RIMS1: variants seen among roughly 807,000 people sequenced by gnomAD.
RIMS1 encodes regulating synaptic membrane exocytosis 1, also known as regulating synaptic membrane exocytosis protein 1.
In RIMS1, 83 loss-of-function variants were observed where a neutral mutation model predicts 214.1. The observed-to-expected ratio is 0.39, with a 90% CI of 0.32 to 0.47. The LOEUF is 0.47. RIMS1 is among the 20% of genes least tolerant of loss of function. The probability of loss-of-function intolerance (pLI) is 0.99; values close to 1 mark genes in which losing one functional copy is unlikely to be tolerated. For missense variants in RIMS1, 2,050 were observed against 2,161.8 expected, an observed-to-expected ratio of 0.95 and a Z score of 1.03; for synonymous variants, 793 against 786.8, an observed-to-expected ratio of 1.01 and a Z score of -0.13.
intron 4 of RIMS1, among the ~76,000 whole-genome samples, chr6:72,155,119 G>A (rs999854268): frequency 1.4e-5 from 2 of 140,548 alleles, no homozygotes; most frequent in African/African-American, 4.9e-5. Flanking sequence ...TGGCTGGCCA[G>A]GAAACCATTT....
intron 22 of RIMS1, chr6:72,266,254 C>A: frequency 1.7e-6 from 1 of 580,776 alleles, no homozygotes; most frequent in Non-Finnish European, 3.1e-6. Flanking sequence ...ACACATATTT[C>A]TATGAATGTT....
chr6:72,198,550 A>G (rs554839625), intron 6 of RIMS1, among the ~76,000 whole-genome samples: 1 of 152,062 alleles, frequency 6.6e-6, no homozygotes, highest in Admixed American at 6.6e-5. Context: ...ATGGGTACAA[A>G]CTTACAGTTA....
chr6:72,267,101 G>A (rs756851445), intron 22 of RIMS1, among the ~76,000 whole-genome samples: 1 of 151,986 alleles, frequency 6.6e-6, no homozygotes, highest in Non-Finnish European at 1.5e-5. Flanking sequence ...TTTGTAAACT[G>A]TGTAATAGAA....
chr6:72,250,528 T>G, intron 13 of RIMS1, 68 bp downstream of exon 13: 1 of 1,158,760 alleles, frequency 8.6e-7, no homozygotes, highest in Non-Finnish European at 1.2e-6. Context: ...AATTTTCTCT[T>G]TTGGGATGTT....
intron 9 of RIMS1, 22 bp from the exon 10 acceptor site, chr6:72,242,291 AT>A: frequency 6.6e-7 from 1 of 1,524,094 alleles, no homozygotes; most frequent in African/African-American, 1.4e-5. Context: ...AGGTAAAAAA[AT>A]ACCCTTTTTT....
intron 22 of RIMS1, among the ~76,000 whole-genome samples, chr6:72,271,003 C>T (rs568572860): frequency 8.3e-4 from 127 of 152,212 alleles, no homozygotes; most frequent in African/African-American, 3.0e-3. Context: ...CGTGGTGGCT[C>T]ATGCCTGTAA....
At chr6:72,012,846 C>T (rs1811296561) in intron 2 of RIMS1, among the ~76,000 whole-genome samples, 1 of 152,136 alleles carries the variant, frequency 6.6e-6, no homozygotes, top group African/African-American at 2.4e-5. Context: ...GTATTATGGG[C>T]TCAGGCAGTA....
At chr6:71,888,038 C>G (rs1768374353) in intron 1 of RIMS1, among the ~76,000 whole-genome samples, 1 of 152,154 alleles carries the variant, frequency 6.6e-6, no homozygotes, top group African/African-American at 2.4e-5. Context: ...AGCGCATCAA[C>G]CCTTCAAGGG....
intron 6 of RIMS1, among the ~76,000 whole-genome samples, chr6:72,188,393 C>T (rs965321680): frequency 6.6e-6 from 1 of 152,202 alleles, no homozygotes; most frequent in Non-Finnish European, 1.5e-5. Flanking sequence ...TACCAATCCC[C>T]AACCCAAATG....
intron 4 of RIMS1, among the ~76,000 whole-genome samples, chr6:72,178,455 G>A (rs531188969): frequency 2.0e-4 from 31 of 152,104 alleles, no homozygotes; most frequent in African/African-American, 7.2e-4. Flanking sequence ...ATGTTTCTAC[G>A]ATTTATTCAT....
At chr6:72,289,020 T>C (rs2092887549) in intron 24 of RIMS1, among the ~76,000 whole-genome samples, 2 of 152,246 alleles carry the variant, frequency 1.3e-5, no homozygotes, top group Admixed American at 1.3e-4. Flanking sequence ...AAGCCATTTA[T>C]TTGCTCCTGA....
intron 2 of RIMS1, among the ~76,000 whole-genome samples, chr6:72,050,616 C>T (rs1824360410): frequency 6.6e-6 from 1 of 152,118 alleles, no homozygotes. Flanking sequence ...GCCTTGTCCT[C>T]CTAGTACTGG....
intron 1 of RIMS1, among the ~76,000 whole-genome samples, chr6:71,957,392 T>A (rs572168953): frequency 6.6e-6 from 1 of 152,184 alleles, no homozygotes; most frequent in Non-Finnish European, 1.5e-5. Context: ...TTTAAAATAA[T>A]ATTCCAATAG....
At chr6:72,118,491 T>A (rs1287257027) in intron 4 of RIMS1, among the ~76,000 whole-genome samples, 1 of 151,532 alleles carries the variant, frequency 6.6e-6, no homozygotes, top group Non-Finnish European at 1.5e-5. Context: ...AGTATTACCC[T>A]AATACAAAAA....
rs112105498 is a variant in RIMS1, at chr6:72,261,403, C to T, written c.3116+636C>T. 2,570 of 985,396 alleles carry T rather than the reference C, an allele frequency of 2.6e-3. 46 individuals carry two copies. The African/African-American group carries it at 0.04, about 15-fold the overall frequency. 61.0% of individuals were successfully genotyped at this position (985,396 alleles called of 1,614,324 possible). ...AACAGTATGAATGCCTCTTTAGAAG[C>T]GACAAAAGATATAATTTTTGCTTCT... On this transcript the variant is annotated intron_variant, in intron 19 of 33. Coordinates refer to ENST00000521978, the MANE Select transcript of RIMS1 (RefSeq NM_014989.7).
intron 4 of RIMS1, among the ~76,000 whole-genome samples, chr6:72,124,350 T>C (rs2039071113): frequency 6.6e-6 from 1 of 151,920 alleles, no homozygotes; most frequent in African/African-American, 2.4e-5. Context: ...CCACTGTTAG[T>C]CTAATGGGCT....
intron 29 of RIMS1, among the ~76,000 whole-genome samples, chr6:72,352,420 C>T (rs992336966): frequency 4.6e-5 from 7 of 152,142 alleles, no homozygotes; most frequent in African/African-American, 1.7e-4. Flanking sequence ...TAGCTAATAA[C>T]TGATAGGCAC....
At chr6:72,348,287 G>A (rs1424584679) in intron 29 of RIMS1, among the ~76,000 whole-genome samples, 3 of 151,866 alleles carry the variant, frequency 2.0e-5, no homozygotes, top group African/African-American at 4.8e-5. Flanking sequence ...CCAAAATAAA[G>A]TATTCATGGG....
At chr6:72,113,687 C>G (rs1387494430) in intron 4 of RIMS1, among the ~76,000 whole-genome samples, 1 of 151,812 alleles carries the variant, frequency 6.6e-6, no homozygotes. Context: ...CTTATAAACC[C>G]CAAGTGTTTT....
Sources: gnomAD v4.1 joint callset for allele counts (sites outside exome capture counted in the v4.1 genomes callset) on GRCh38, gnomAD v4.1.1 for gene constraint, MANE v1.5 for transcripts, NCBI Gene and HGNC (gene_info 2026-07-23, HGNC 2026-07-21) for gene names.